The following GPHN variants were observed in gnomAD, a reference collection of about 807,000 sequenced individuals.
GPHN encodes the protein gephyrin.
GPHN carries 17 observed loss-of-function variants against 95.5 expected under a neutral mutation model. The ratio of observed to expected loss-of-function variants is 0.18; its 90% CI spans 0.12 to 0.27. The LOEUF (loss-of-function observed/expected upper bound fraction) is 0.27. GPHN is among the 10% of genes least tolerant of loss of function. GPHN has a pLI of 1.00. For missense variants in GPHN, 660 were observed against 978.1 expected, an observed-to-expected ratio of 0.67 and a Z score of 4.34; for synonymous variants, 320 against 322.5, an observed-to-expected ratio of 0.99 and a Z score of 0.08.
the GPHN span, among the ~76,000 whole-genome samples, chr14:67,700,802 A>G: frequency 1.3e-5 from 2 of 151,804 alleles, no homozygotes; most frequent in Non-Finnish European, 2.9e-5. Flanking sequence ...AGGCGGGTGG[A>G]TCAGCTGAGG....
chr14:67,727,094 C>T, the GPHN span: 2 of 1,614,210 alleles, frequency 1.2e-6, no homozygotes, highest in Non-Finnish European at 1.7e-6. Context: ...CTTCCACGAC[C>T]TCCAGAGCGA....
chr14:67,446,458 C>A, the GPHN span, among the ~76,000 whole-genome samples: 1 of 152,170 alleles, frequency 6.6e-6, no homozygotes, highest in South Asian at 2.1e-4. Flanking sequence ...TTCCATGAAA[C>A]CAAAATCAGA....
At chr14:67,558,773 T>C in the GPHN span, among the ~76,000 whole-genome samples, 3 of 152,196 alleles carry the variant, frequency 2.0e-5, no homozygotes, top group African/African-American at 7.2e-5. Context: ...CAGGTCAGGG[T>C]TGGCCGACTT....
chr14:67,050,718 G>A (rs1009568341), intron 10 of GPHN, among the ~76,000 whole-genome samples: 1 of 152,162 alleles, frequency 6.6e-6, no homozygotes, highest in Non-Finnish European at 1.5e-5. Context: ...TACGGTTGGA[G>A]GCTCCCACGT....
In GPHN at chr14:67,181,282, T is replaced by C; in HGVS notation, c.*345T>C. 2.3e-6 allele frequency: 1 copy of C among 442,732 alleles called. No homozygotes were observed. Among genetic ancestry groups the C allele is most frequent in the South Asian group, 2.2e-5 (1 of 46,132 alleles). 27.4% of individuals were successfully genotyped at this position (442,732 alleles called of 1,614,324 possible). A position where few individuals can be genotyped will look rare whatever the true frequency, so the allele number is the denominator to read the frequency against. On this transcript the variant is annotated 3_prime_UTR_variant, in exon 23 of 23. Transcript: ENST00000478722. ...CTCATCTTTAAAATACAACTACTTA[T>C]GCTCTTAAATCAAGGCTGTCTGCTT...
chr14:66,569,337 C>A (rs1244101738), intron 1 of GPHN, among the ~76,000 whole-genome samples: 5 of 151,934 alleles, frequency 3.3e-5, no homozygotes, highest in Non-Finnish European at 7.4e-5. Flanking sequence ...TAACAGATAC[C>A]CTTCCTCTTT....
the GPHN span, among the ~76,000 whole-genome samples, chr14:67,611,523 T>C: frequency 6.6e-6 from 1 of 152,094 alleles, no homozygotes; most frequent in African/African-American, 2.4e-5. Flanking sequence ...TGCCTCAGCC[T>C]CCCAAAGGGC....
At chr14:66,837,614 AAAATAAATAAATAAATAAATAAATAAAT>A (rs202145300) in intron 4 of GPHN, among the ~76,000 whole-genome samples, 1 of 144,508 alleles carries the variant, frequency 6.9e-6, no homozygotes, top group South Asian at 2.2e-4. Flanking sequence ...TAAATAAATA[AAAATAAATAAATAAATAAATAAATAAAT>A]AAATAAATAA....
At chr14:66,756,743 A>C (rs1487306481) in intron 2 of GPHN, among the ~76,000 whole-genome samples, 1 of 152,214 alleles carries the variant, frequency 6.6e-6, no homozygotes, top group Admixed American at 6.5e-5. Context: ...AATTGTCATA[A>C]GATCCTCAAA....
the GPHN span, among the ~76,000 whole-genome samples, chr14:67,412,396 C>G: frequency 6.6e-6 from 1 of 152,332 alleles, no homozygotes; most frequent in East Asian, 1.9e-4. Context: ...CCAGGTGCTT[C>G]CCGGGCACTT....
At chr14:67,412,158 C>G in the GPHN span, 1 of 1,050,362 alleles carries the variant, frequency 9.5e-7, no homozygotes, top group South Asian at 2.1e-5. Flanking sequence ...CCACGGCGCC[C>G]AGGAAGCAGC....
chr14:67,423,293 C>G, the GPHN span, among the ~76,000 whole-genome samples: 1 of 152,266 alleles, frequency 6.6e-6, no homozygotes, highest in Non-Finnish European at 1.5e-5. Context: ...CTGTAGTGAC[C>G]TCTAAGAGAG....
rs1441234815 is a variant in GPHN at position 66,600,302 on chromosome 14, C to CTA, written c.65-80805_65-80804insTA. Among the ~76,000 whole-genome samples, 31 of 152,016 alleles carry CTA rather than the reference C, an allele frequency of 2.0e-4. 1 individual carries two copies. The highest frequency in any genetic ancestry group is 1.8e-3 in the Admixed American group (28 of 15,266). On this transcript the variant is annotated intron_variant, in intron 1 of 22. Transcript: ENST00000478722. ...TTTTAACAGATGATCAAGTACCTAC[C>CTA]ATGTGCTATTAACAATAAAATTGTA...
chr14:66,671,507 T>C (rs2066304160), intron 1 of GPHN, among the ~76,000 whole-genome samples: 1 of 152,234 alleles, frequency 6.6e-6, no homozygotes, highest in African/African-American at 2.4e-5. Flanking sequence ...ATTCAAACAA[T>C]GTTTGCAGTT....
At chr14:66,773,410 A>G (rs8018545) in intron 2 of GPHN, among the ~76,000 whole-genome samples, 37,122 of 147,718 alleles carry the variant, frequency 0.25, 9,421 homozygotes, top group African/African-American at 0.62. Context: ...CTGGGTTTCA[A>G]TGGCGCAATC....
the GPHN span, chr14:67,645,563 A>C: frequency 6.6e-7 from 1 of 1,504,288 alleles, no homozygotes; most frequent in East Asian, 2.3e-5. Context: ...AGAGAGTATA[A>C]GTTGTTTTGG....
chr14:66,579,339 T>C (rs1367435392), intron 1 of GPHN, among the ~76,000 whole-genome samples: 1 of 151,732 alleles, frequency 6.6e-6, no homozygotes, highest in African/African-American at 2.4e-5. Context: ...ATGGCAGTTG[T>C]ATGTCTTTAT....
intron 1 of GPHN, among the ~76,000 whole-genome samples, chr14:66,610,754 C>T (rs1363310435): frequency 6.6e-6 from 1 of 152,098 alleles, no homozygotes; most frequent in African/African-American, 2.4e-5. Context: ...CACAATACAA[C>T]ATGGGCAAGT....
chr14:66,711,448 C>T (rs1238949163), intron 2 of GPHN, among the ~76,000 whole-genome samples: 1 of 152,098 alleles, frequency 6.6e-6, no homozygotes, highest in Non-Finnish European at 1.5e-5. Flanking sequence ...GATTGATGGG[C>T]ACTTGGGTTC....
Sources: gnomAD v4.1 joint callset for allele counts (sites outside exome capture counted in the v4.1 genomes callset) on GRCh38, gnomAD v4.1.1 for gene constraint, MANE v1.5 for transcripts, NCBI Gene and HGNC (gene_info 2026-07-23, HGNC 2026-07-21) for gene names.